Variants in XIRP2 observed in about 807,000 individuals in gnomAD.
XIRP2 encodes the protein xin actin binding repeat containing 2.
XIRP2 carries 236 observed loss-of-function variants against 277.0 expected under a neutral mutation model. The ratio of observed to expected loss-of-function variants is 0.85; its 90% CI spans 0.77 to 0.95. XIRP2 has a LOEUF of 0.95. Ranked by LOEUF, XIRP2 falls within the 40% of genes least tolerant of loss-of-function variation. The pLI is 0.00. For synonymous variants in XIRP2, 1,490 were observed against 1,416.5 expected, an observed-to-expected ratio of 1.05 and a Z score of -1.17; for missense variants, 4,640 against 4,157.5, an observed-to-expected ratio of 1.12 and a Z score of -3.19.
intron 1 of XIRP2, among the ~76,000 whole-genome samples, chr2:166,898,374 A>G (rs1684297014): frequency 6.6e-6 from 1 of 152,158 alleles, no homozygotes; most frequent in African/African-American, 2.4e-5. Context: ...ATGCATTGCC[A>G]TCCTATGCCA....
chr2:167,082,151 T>A (rs1483874451), intron 2 of XIRP2, among the ~76,000 whole-genome samples: 1 of 146,398 alleles, frequency 6.8e-6, no homozygotes, highest in African/African-American at 2.5e-5. Context: ...TGTGTCCATG[T>A]GATCTCATTG....
chr2:167,028,031 A>G (rs1001020490), intron 2 of XIRP2, among the ~76,000 whole-genome samples: 32 of 152,074 alleles, frequency 2.1e-4, no homozygotes, highest in Admixed American at 1.1e-3. Flanking sequence ...TGATATTTGA[A>G]AAATGTTTTA....
At chr2:167,140,939 G>T (rs1415856673) in intron 3 of XIRP2, 3 of 151,970 alleles carry the variant, frequency 2.0e-5, no homozygotes, top group African/African-American at 4.8e-5. Flanking sequence ...GTAAGAAGGG[G>T]CAGCTGGGAG....
At chr2:167,008,834 A>G (rs1000544158) in intron 2 of XIRP2, among the ~76,000 whole-genome samples, 2 of 151,418 alleles carry the variant, frequency 1.3e-5, no homozygotes, top group Non-Finnish European at 3.0e-5. Flanking sequence ...TATATTTCAT[A>G]TTTTCTTAGT....
At position 167,252,017 on chromosome 2, in the gene XIRP2, G is replaced by T. The variant is rs1241792377; in HGVS notation, c.10555+70G>T. On this transcript the variant is annotated intron_variant, in intron 9 of 10. Transcript: ENST00000409195. ...GCATGTGTTCCATAGCCAAAATGAT[G>T]TACAGTTAAAAAGAGTGCGTGGAAA... The T allele has an allele frequency of 2.7e-6, 4 of 1,502,886 alleles. No individual in the cohort carries two copies. The African/African-American group carries it at 4.2e-5, about 16-fold the overall frequency. The allele number at this position is 1,502,886 out of a possible 1,614,324, so 93.1% of individuals were successfully genotyped here.
At chr2:167,122,878 A>G (rs1352349293) in intron 2 of XIRP2, among the ~76,000 whole-genome samples, 1 of 152,088 alleles carries the variant, frequency 6.6e-6, no homozygotes, top group African/African-American at 2.4e-5. Context: ...GTTTGCATTT[A>G]CAGTTTTTTT....
At chr2:166,999,428 G>T (rs1189041775) in intron 2 of XIRP2, among the ~76,000 whole-genome samples, 1 of 151,196 alleles carries the variant, frequency 6.6e-6, no homozygotes, top group Non-Finnish European at 1.5e-5. Flanking sequence ...AAATAAAAAA[G>T]AGCAGTAGCC....
At chr2:167,169,136 T>C (rs561768416) in intron 3 of XIRP2, among the ~76,000 whole-genome samples, 1 of 152,304 alleles carries the variant, frequency 6.6e-6, no homozygotes, top group East Asian at 1.9e-4. Context: ...AAGGCTTTTA[T>C]AGTCCTATGA....
chr2:167,145,724 T>C (rs1691845611), intron 3 of XIRP2, among the ~76,000 whole-genome samples: 1 of 152,168 alleles, frequency 6.6e-6, no homozygotes, highest in East Asian at 1.9e-4. Context: ...ACACAAAATA[T>C]ACTGCCAGAA....
At chr2:166,911,980 G>A (rs1447001744) in intron 2 of XIRP2, among the ~76,000 whole-genome samples, 2 of 152,218 alleles carry the variant, frequency 1.3e-5, no homozygotes, top group African/African-American at 4.8e-5. Flanking sequence ...GAGATCCACT[G>A]TTAGTCTGAT....
chr2:167,113,376 A>G (rs1382246844), intron 2 of XIRP2, among the ~76,000 whole-genome samples: 5 of 152,126 alleles, frequency 3.3e-5, no homozygotes, highest in Admixed American at 3.3e-4. Context: ...CTTCTTGTTG[A>G]ATTGAACTCT....
intron 5 of XIRP2, among the ~76,000 whole-genome samples, chr2:167,236,427 A>G (rs561872406): frequency 5.5e-4 from 83 of 152,160 alleles, no homozygotes; most frequent in Non-Finnish European, 5.9e-4. Flanking sequence ...CATATCAACA[A>G]TAGATTTTTG....
chr2:166,972,527 A>G (rs1268113281), intron 2 of XIRP2, among the ~76,000 whole-genome samples: 1 of 152,162 alleles, frequency 6.6e-6, no homozygotes, highest in Non-Finnish European at 1.5e-5. Context: ...AAGAGGAAAA[A>G]TGGACCCTGG....
chr2:167,200,035 A>C (rs1693634657), intron 3 of XIRP2, among the ~76,000 whole-genome samples: 1 of 152,250 alleles, frequency 6.6e-6, no homozygotes, highest in Non-Finnish European at 1.5e-5. Flanking sequence ...GAGACTTTAG[A>C]AAGAATAGGA....
chr2:167,068,616 T>G (rs1689363687), intron 2 of XIRP2, among the ~76,000 whole-genome samples: 1 of 152,034 alleles, frequency 6.6e-6, no homozygotes, highest in South Asian at 2.1e-4. Context: ...GCTTTTTTTT[T>G]TCCTTTTTTA....
chr2:166,955,051 A>T (rs912497071), intron 2 of XIRP2, among the ~76,000 whole-genome samples: 1 of 151,894 alleles, frequency 6.6e-6, no homozygotes, highest in Non-Finnish European at 1.5e-5. Context: ...CATCCTGTAC[A>T]TGTACCCCGG....
chr2:167,248,635 A>G lies in XIRP2; in HGVS notation c.7243A>G (p.Lys2415Glu). The change falls in exon 9 of 11, where the codon AAA becomes GAA. Residue 2415 changes from lysine to glutamate, a missense_variant. Physicochemically the swap from Lys to Glu is moderately conservative, Grantham distance 56. Transcript: ENST00000409195. ...TTCTCAGGCTAAAATCATAACAGGA[A>G]AAACCGGTGTGTTGCCACCTCCCAC... is the stretch of plus-strand genomic sequence containing the variant. ...QNSQAKIITG[K>E]TGVLPPPTLP... 1 of 1,613,750 alleles carries G rather than the reference A, an allele frequency of 6.2e-7. No individual in the cohort carries two copies. Among genetic ancestry groups the G allele is most frequent in the Non-Finnish European group, 8.5e-7 (1 of 1,179,824 alleles).
In XIRP2 at chr2:167,251,445, T is replaced by G. The variant is rs2105449504; in HGVS notation, c.10053T>G (p.Asn3351Lys). ...GCCCAGTTTCTGAAGCAAAGTCAAATAGAAGAGTTTATGCAAAGGGAGAAA... is the reference window on the plus strand; with the variant it reads ...GCCCAGTTTCTGAAGCAAAGTCAAAGAGAAGAGTTTATGCAAAGGGAGAAA... ...EHGPVSEAKS[N>K]RRVYAKGETN... Residue 3351 changes from asparagine (N) to lysine (K), a missense_variant, in exon 9 of 11, where the codon AAT becomes AAG. By Grantham distance (94) the Asn-to-Lys change is moderately conservative. Transcript: ENST00000409195. 1 of 1,613,504 alleles carries G rather than the reference T, an allele frequency of 6.2e-7. No individual in the cohort carries two copies. The highest frequency in any genetic ancestry group is 8.5e-7 in the Non-Finnish European group (1 of 1,179,660).
At chr2:167,160,690 T>C (rs1350987339) in intron 3 of XIRP2, among the ~76,000 whole-genome samples, 1 of 152,114 alleles carries the variant, frequency 6.6e-6, no homozygotes, top group Non-Finnish European at 1.5e-5. Flanking sequence ...CCACAACACA[T>C]GAGAATTCGA....
Sources: allele counts gnomAD v4.1 joint callset (sites outside exome capture counted in the v4.1 genomes callset), GRCh38; gene constraint gnomAD v4.1.1; transcripts MANE v1.5; gene names NCBI Gene and HGNC (gene_info 2026-07-23, HGNC 2026-07-21).